Variants in MCC observed in about 807,000 individuals in gnomAD.
The protein encoded by MCC is colorectal mutant cancer protein.
In MCC, 90 loss-of-function variants were observed where a neutral mutation model predicts 116.2. The ratio of observed to expected loss-of-function variants is 0.77; its 90% CI spans 0.65 to 0.92. The LOEUF is 0.92. Among genes scored for constraint, MCC ranks in the 40% least tolerant of loss-of-function variants. The pLI is 0.00. For synonymous variants in MCC, 578 were observed against 510.5 expected (o/e 1.13, Z -1.78); for missense variants, 1,516 against 1,312.2 (o/e 1.16, Z -2.40).
chr5:113,407,981 G>A (rs1319802525), intron 1 of MCC, among the ~76,000 whole-genome samples: 1 of 152,120 alleles, frequency 6.6e-6, no homozygotes. Flanking sequence ...TAGAATTTAG[G>A]TCTCCTAACT....
chr5:113,375,698 A>C (rs916151442), intron 2 of MCC, among the ~76,000 whole-genome samples: 2 of 152,074 alleles, frequency 1.3e-5, no homozygotes, highest in Admixed American at 6.5e-5. Context: ...TGGTCTTTCA[A>C]CTTTTGTTAG....
intron 2 of MCC, among the ~76,000 whole-genome samples, chr5:113,364,238 G>GAAAAAAAAAAAAAAAAAAAAAAACAA (rs60976854): frequency 1.1e-3 from 56 of 49,326 alleles, no homozygotes; most frequent in East Asian, 2.5e-3. Flanking sequence ...CTCAAAAACA[G>GAAAAAAAAAAAAAAAAAAAAAAACAA]AAAAAAAAAA....
intron 1 of MCC, among the ~76,000 whole-genome samples, chr5:113,413,405 C>CT (rs1333655044): frequency 6.6e-6 from 1 of 152,094 alleles, no homozygotes; most frequent in African/African-American, 2.4e-5. Context: ...TGGTCCTGGA[C>CT]TTTTTTTGGT....
At chr5:113,241,669 A>T (rs964985745) in intron 3 of MCC, among the ~76,000 whole-genome samples, 3 of 152,170 alleles carry the variant, frequency 2.0e-5, no homozygotes, top group African/African-American at 7.2e-5. Flanking sequence ...AAGACCACAG[A>T]CCTCAGTTAC....
At chr5:113,034,348 CG>C (rs1561736300) in intron 17 of MCC, among the ~76,000 whole-genome samples, 2 of 152,218 alleles carry the variant, frequency 1.3e-5, no homozygotes, top group African/African-American at 4.8e-5. Context: ...AAGCAAGCCT[CG>C]GAAGTGGTGC....
intron 17 of MCC, among the ~76,000 whole-genome samples, chr5:113,031,365 C>G (rs1750941104): frequency 6.6e-6 from 1 of 152,078 alleles, no homozygotes; most frequent in Non-Finnish European, 1.5e-5. Flanking sequence ...CATTTCCTAC[C>G]AGCAGTGAGG....
chr5:113,229,700 A>C (rs7737313), intron 3 of MCC, among the ~76,000 whole-genome samples: 4,227 of 152,312 alleles, frequency 0.028, 201 homozygotes, highest in African/African-American at 0.096. Context: ...TTGTAATACC[A>C]CATTTTTACT....
At chr5:113,402,293 C>CAAAAAA (rs371884386) in intron 1 of MCC, among the ~76,000 whole-genome samples, 2 of 96,620 alleles carry the variant, frequency 2.1e-5, no homozygotes, top group African/African-American at 7.2e-5. Flanking sequence ...GACTCCGTCT[C>CAAAAAA]AAAAAAAAAA....
chr5:113,216,946 C>T (rs1053750172), intron 3 of MCC, among the ~76,000 whole-genome samples: 3 of 152,212 alleles, frequency 2.0e-5, no homozygotes, highest in African/African-American at 7.2e-5. Context: ...ATGCCCACTA[C>T]CTTTGTCAAG....
At chr5:113,030,422 T>C (rs1750874565) in intron 17 of MCC, among the ~76,000 whole-genome samples, 1 of 152,196 alleles carries the variant, frequency 6.6e-6, no homozygotes, top group South Asian at 2.1e-4. Context: ...CTCATGCCTG[T>C]AATCTCAGCA....
chr5:113,364,931 T>C (rs1398838625), intron 2 of MCC, among the ~76,000 whole-genome samples: 2 of 152,200 alleles, frequency 1.3e-5, no homozygotes, highest in Non-Finnish European at 2.9e-5. Context: ...TCTCTGGGCA[T>C]GGCCATGAAA....
At chr5:113,039,721 C>T (rs962515094) in intron 17 of MCC, among the ~76,000 whole-genome samples, 1 of 147,736 alleles carries the variant, frequency 6.8e-6, no homozygotes, top group Non-Finnish European at 1.5e-5. Context: ...GCCCCCCCCC[C>T]CAACCCACCC....
At chr5:113,416,744 A>C (rs962783794) in intron 1 of MCC, among the ~76,000 whole-genome samples, 2 of 152,132 alleles carry the variant, frequency 1.3e-5, no homozygotes, top group African/African-American at 2.4e-5. Context: ...ATAATTTTTC[A>C]TTCTGGAATT....
At chr5:113,221,704 A>G (rs942816060) in intron 3 of MCC, among the ~76,000 whole-genome samples, 1 of 152,242 alleles carries the variant, frequency 6.6e-6, no homozygotes, top group Non-Finnish European at 1.5e-5. Flanking sequence ...TGTGGACCTG[A>G]CTGAGGAACT....
intron 1 of MCC, among the ~76,000 whole-genome samples, chr5:113,465,941 A>ATT (rs200365462): frequency 6.9e-6 from 1 of 143,990 alleles, no homozygotes; most frequent in African/African-American, 2.5e-5. Context: ...ATTAACCCAC[A>ATT]TTTTTTTTTT....
At chr5:113,487,773 T>G (rs2037119873) in intron 1 of MCC, among the ~76,000 whole-genome samples, 1 of 152,248 alleles carries the variant, frequency 6.6e-6, no homozygotes, top group Non-Finnish European at 1.5e-5. Context: ...TCACAGGTTA[T>G]TTCCCTGTCC....
At chr5:113,290,343 T>C (rs570114921) in intron 3 of MCC, among the ~76,000 whole-genome samples, 1 of 152,364 alleles carries the variant, frequency 6.6e-6, no homozygotes, top group South Asian at 2.1e-4. Context: ...ATTTTGTCTG[T>C]CCATTGTTTA....
intron 3 of MCC, among the ~76,000 whole-genome samples, chr5:113,255,559 T>C (rs1308619319): frequency 1.3e-5 from 2 of 152,214 alleles, no homozygotes; most frequent in Admixed American, 1.3e-4. Context: ...TTTGGGTTTC[T>C]GTCATCTGCA....
intron 1 of MCC, among the ~76,000 whole-genome samples, chr5:113,455,774 G>A (rs999772124): frequency 6.6e-6 from 1 of 152,152 alleles, no homozygotes; most frequent in Admixed American, 6.5e-5. Context: ...ACTATAAATA[G>A]ACTCTGGTCA....
Sources: allele counts gnomAD v4.1 joint callset (sites outside exome capture counted in the v4.1 genomes callset), GRCh38; gene constraint gnomAD v4.1.1; transcripts MANE v1.5; gene names NCBI Gene and HGNC (gene_info 2026-07-23, HGNC 2026-07-21).